The following GUCY1A2 variants were observed in gnomAD, a reference collection of about 807,000 sequenced individuals.
GUCY1A2 encodes the protein guanylate cyclase 1 soluble subunit alpha 2.
A neutral mutation model predicts 63.5 loss-of-function variants in GUCY1A2; 27 were observed. The ratio of observed to expected loss-of-function variants is 0.43; its 90% CI spans 0.31 to 0.59. The LOEUF (loss-of-function observed/expected upper bound fraction) is 0.59, where lower values mean the gene tolerates loss of function less well. GUCY1A2 is among the 20% of genes least tolerant of loss of function. The probability of loss-of-function intolerance (pLI) is 0.11; values close to 1 mark genes in which losing one functional copy is unlikely to be tolerated. For missense variants in GUCY1A2, 768 were observed against 913.3 expected, an observed-to-expected ratio of 0.84 and a Z score of 2.05; for synonymous variants, 364 against 343.5, an observed-to-expected ratio of 1.06 and a Z score of -0.66.
rs574557244 is a variant in GUCY1A2 at position 107,011,457 on chromosome 11, C to A, written c.303+6296G>T. ...TACTTCACCTATGCATCTTAGAGTCCTTAAAGGTAAATAAACTATACACTA... is the reference window on the plus strand; with the variant it reads ...TACTTCACCTATGCATCTTAGAGTCATTAAAGGTAAATAAACTATACACTA... On this transcript the variant is annotated intron_variant, in intron 1 of 7. Transcript: ENST00000526355. 1.8e-3 allele frequency among the ~76,000 whole-genome samples: 264 copies of A among 149,686 alleles called. 1 individual carries two copies. Among genetic ancestry groups the A allele is most frequent in the Middle Eastern group, 0.014 (4 of 282 alleles).
At position 106,694,608 on chromosome 11, in the gene GUCY1A2, A is replaced by G. The variant is rs531572252; in HGVS notation, c.1992-6852T>C. On this transcript the variant is annotated intron_variant, in intron 7 of 7. Coordinates refer to ENST00000526355, the MANE Select transcript of GUCY1A2 (RefSeq NM_000855.3). ...AGTTTTTAGCTTCCTAAGTGTCAAG[A>G]AAATGGCCCAGTACTGGTGACACGT... is the stretch of plus-strand genomic sequence containing the variant. 1.3e-3 allele frequency among the ~76,000 whole-genome samples: 196 copies of G among 152,334 alleles called. 1 individual carries two copies. Among genetic ancestry groups the G allele is most frequent in the Non-Finnish European group, 2.3e-3 (159 of 68,022 alleles).
chr11:106,842,484 TC>T (rs1477288539), intron 4 of GUCY1A2, among the ~76,000 whole-genome samples: 1 of 152,040 alleles, frequency 6.6e-6, no homozygotes, highest in Non-Finnish European at 1.5e-5. Context: ...CATTCTATAT[TC>T]CTATATTTCT....
At chr11:106,689,162 T>C (rs757921485) in intron 7 of GUCY1A2, among the ~76,000 whole-genome samples, 2 of 152,138 alleles carry the variant, frequency 1.3e-5, no homozygotes, top group Non-Finnish European at 2.9e-5. Context: ...TGAGTATCTC[T>C]AAGGAGAAGA....
chr11:107,009,749 T>G (rs77430890), intron 1 of GUCY1A2, among the ~76,000 whole-genome samples: 3,021 of 152,212 alleles, frequency 0.02, 101 homozygotes, highest in African/African-American at 0.065. Flanking sequence ...CCTAACCCAG[T>G]AAAGGTAATA....
At chr11:106,975,923 T>G (rs1861256148) in intron 3 of GUCY1A2, among the ~76,000 whole-genome samples, 1 of 152,100 alleles carries the variant, frequency 6.6e-6, no homozygotes, top group Non-Finnish European at 1.5e-5. Context: ...AATGCAAACT[T>G]CAACCTGAAG....
chr11:106,723,858 C>T (rs984923415), intron 6 of GUCY1A2, among the ~76,000 whole-genome samples: 1 of 152,060 alleles, frequency 6.6e-6, no homozygotes, highest in Admixed American at 6.6e-5. Flanking sequence ...ATTTAAACCA[C>T]TTCTTAAAAC....
intron 6 of GUCY1A2, among the ~76,000 whole-genome samples, chr11:106,720,436 A>G (rs1007217807): frequency 6.6e-6 from 1 of 152,190 alleles, no homozygotes; most frequent in African/African-American, 2.4e-5. Flanking sequence ...AAGGTGTCAT[A>G]GGCTTTGGAA....
intron 4 of GUCY1A2, among the ~76,000 whole-genome samples, chr11:106,829,692 G>A (rs564240504): frequency 6.6e-6 from 1 of 152,288 alleles, no homozygotes; most frequent in East Asian, 1.9e-4. Context: ...GGGAGTTACA[G>A]TGTTTGGTTG....
intron 4 of GUCY1A2, among the ~76,000 whole-genome samples, chr11:106,929,753 G>T (rs1860576431): frequency 6.6e-6 from 1 of 152,002 alleles, no homozygotes; most frequent in Non-Finnish European, 1.5e-5. Context: ...GTCTCCAGTT[G>T]TTGGAAAGTT....
chr11:106,983,170 A>T (rs1019215242), intron 2 of GUCY1A2, among the ~76,000 whole-genome samples: 12 of 152,218 alleles, frequency 7.9e-5, no homozygotes, highest in African/African-American at 2.9e-4. Flanking sequence ...AAAAGTAGAA[A>T]CCAGAAAATT....
chr11:106,918,920 T>C (rs1565331495), intron 4 of GUCY1A2, among the ~76,000 whole-genome samples: 1 of 152,224 alleles, frequency 6.6e-6, no homozygotes, highest in Non-Finnish European at 1.5e-5. Context: ...TTTAAAAATC[T>C]GATATTTAAC....
At chr11:106,714,915 C>T (rs533143702) in intron 6 of GUCY1A2, among the ~76,000 whole-genome samples, 1 of 152,076 alleles carries the variant, frequency 6.6e-6, no homozygotes, top group Admixed American at 6.6e-5. Flanking sequence ...CGAGGATAAA[C>T]AGAAATATAA....
At chr11:106,854,888 T>G (rs926209820) in intron 4 of GUCY1A2, among the ~76,000 whole-genome samples, 3 of 152,122 alleles carry the variant, frequency 2.0e-5, no homozygotes, top group African/African-American at 7.2e-5. Context: ...GCAGCCACCC[T>G]GGTGTGCTCT....
intron 4 of GUCY1A2, among the ~76,000 whole-genome samples, chr11:106,883,858 C>A (rs923871243): frequency 2.0e-5 from 3 of 152,008 alleles, no homozygotes; most frequent in Non-Finnish European, 4.4e-5. Flanking sequence ...TACTACGCAG[C>A]CATAAAAAAG....
intron 4 of GUCY1A2, among the ~76,000 whole-genome samples, chr11:106,885,923 A>G (rs567385650): frequency 6.6e-6 from 1 of 152,198 alleles, no homozygotes; most frequent in Non-Finnish European, 1.5e-5. Flanking sequence ...TTCTAAAAAT[A>G]TGCTCACACA....
At chr11:106,858,815 T>G (rs1022527365) in intron 4 of GUCY1A2, among the ~76,000 whole-genome samples, 1 of 152,064 alleles carries the variant, frequency 6.6e-6, no homozygotes, top group African/African-American at 2.4e-5. Flanking sequence ...AAATCTTAGA[T>G]GAGTACAATT....
intron 4 of GUCY1A2, among the ~76,000 whole-genome samples, chr11:106,888,700 T>C (rs1023466541): frequency 4.6e-5 from 7 of 152,162 alleles, no homozygotes; most frequent in African/African-American, 1.7e-4. Context: ...ATAACAAAAT[T>C]ACAACAATGG....
intron 4 of GUCY1A2, among the ~76,000 whole-genome samples, chr11:106,885,906 G>C (rs530322797): frequency 1.3e-5 from 2 of 152,144 alleles, no homozygotes; most frequent in East Asian, 3.9e-4. Context: ...CCCCCTATTG[G>C]AAGAACTTCT....
intron 4 of GUCY1A2, among the ~76,000 whole-genome samples, chr11:106,819,046 A>C (rs188723306): frequency 2.0e-5 from 3 of 152,302 alleles, no homozygotes; most frequent in Non-Finnish European, 4.4e-5. Context: ...GGAGAGCTTC[A>C]AGACTTCAGT....
Sources: allele counts gnomAD v4.1 joint callset (sites outside exome capture counted in the v4.1 genomes callset), GRCh38; gene constraint gnomAD v4.1.1; transcripts MANE v1.5; gene names NCBI Gene and HGNC (gene_info 2026-07-23, HGNC 2026-07-21).